The following USP37 variants were observed in gnomAD, a reference collection of about 807,000 sequenced individuals.
USP37 encodes ubiquitin specific peptidase 37.
In USP37, 27 loss-of-function variants were observed where a neutral mutation model predicts 124.0. The ratio of observed to expected loss-of-function variants is 0.22; its 90% CI spans 0.16 to 0.30. USP37 has a LOEUF of 0.30. USP37 is among the 10% of genes least tolerant of loss of function. The pLI, the probability that USP37 is intolerant of heterozygous loss-of-function variation, is 1.00. For synonymous variants in USP37, 365 were observed against 388.0 expected (o/e 0.94, Z 0.70); for missense variants, 889 against 1,140.4 (o/e 0.78, Z 3.17).
Position 218,553,743 on chromosome 2 carries a change from A to C in USP37, c.157-19T>G. 6.3e-7 allele frequency: 1 copy of C among 1,588,928 alleles called. No individual in the cohort carries two copies. Among genetic ancestry groups the C allele is most frequent in the South Asian group, 1.1e-5 (1 of 87,976 alleles). On this transcript the variant is annotated intron_variant, in intron 4 of 25. Coordinates refer to ENST00000258399, the MANE Select transcript of USP37 (RefSeq NM_020935.3). The stretch of plus-strand genomic sequence containing the variant: ...GACTTAGCTAATCAAGACAAAAGGA[A>C]AATTATCATCAAAAATGTATGACAA...
chr2:218,510,374 C>A (rs1448820119), intron 10 of USP37, among the ~76,000 whole-genome samples: 1 of 152,068 alleles, frequency 6.6e-6, no homozygotes, highest in Non-Finnish European at 1.5e-5. Context: ...CAAAATAATC[C>A]ATGTTAATGG....
intron 14 of USP37, among the ~76,000 whole-genome samples, chr2:218,493,114 T>A (rs935631720): frequency 9.2e-5 from 14 of 152,146 alleles, no homozygotes; most frequent in Admixed American, 2.0e-4. Context: ...TGGTTTTTTT[T>A]AAAAAAAGTA....
chr2:218,504,700 G>A (rs746121369), intron 11 of USP37, among the ~76,000 whole-genome samples: 19 of 152,088 alleles, frequency 1.2e-4, no homozygotes, highest in South Asian at 2.1e-4. Flanking sequence ...CTCCCAAAGC[G>A]CTAGGATTAC....
chr2:218,497,146 C>A (rs1011056376), intron 13 of USP37, among the ~76,000 whole-genome samples: 1 of 152,104 alleles, frequency 6.6e-6, no homozygotes, highest in African/African-American at 2.4e-5. Flanking sequence ...TCTCAGCTCA[C>A]TGCAACCTCT....
In USP37 at chr2:218,454,447, T is replaced by G. The variant is rs1448237582; in HGVS notation, c.*483A>C. The G allele has an allele frequency of 6.5e-6, 1 of 152,988 alleles. No individual in the cohort carries two copies. The highest frequency in any genetic ancestry group is 1.9e-4 in the East Asian group (1 of 5,212). The allele number at this position is 152,988 out of a possible 1,614,324, so 9.5% of individuals were successfully genotyped here. On this transcript the variant is annotated 3_prime_UTR_variant, in exon 26 of 26. Coordinates refer to ENST00000258399, the MANE Select transcript of USP37 (RefSeq NM_020935.3). ...AGGTTACAGACTTGAGTGAAACTACTCAAGGAACATAAAAGCTAAAAGCCA... is the reference window on the plus strand; with the variant it reads ...AGGTTACAGACTTGAGTGAAACTACGCAAGGAACATAAAAGCTAAAAGCCA...
intron 17 of USP37, among the ~76,000 whole-genome samples, chr2:218,481,754 C>T (rs1691285052): frequency 6.6e-6 from 1 of 150,410 alleles, no homozygotes; most frequent in African/African-American, 2.5e-5. Flanking sequence ...CTCCCAGGCT[C>T]CAGCAATCCT....
chr2:218,554,222 G>A (rs1007060048), intron 4 of USP37, among the ~76,000 whole-genome samples: 7 of 152,022 alleles, frequency 4.6e-5, no homozygotes, highest in African/African-American at 1.7e-4. Flanking sequence ...TAATGTTGAT[G>A]AGGAAAAAAA....
intron 22 of USP37, among the ~76,000 whole-genome samples, chr2:218,460,376 C>T (rs190156094): frequency 3.9e-5 from 6 of 152,170 alleles, no homozygotes; most frequent in East Asian, 1.9e-4. Context: ...CGGTCCAACA[C>T]GCTCAGCCCA....
chr2:218,537,592 T>C (rs1691725729), intron 8 of USP37, among the ~76,000 whole-genome samples: 2 of 152,220 alleles, frequency 1.3e-5, no homozygotes, highest in Non-Finnish European at 1.5e-5. Flanking sequence ...ATAGTTACTA[T>C]TTCAAGTCAC....
chr2:218,547,946 T>C (rs929950280), intron 6 of USP37, among the ~76,000 whole-genome samples: 1 of 152,250 alleles, frequency 6.6e-6, no homozygotes, highest in African/African-American at 2.4e-5. Context: ...TTTATATCTC[T>C]ACATTAAGAG....
intron 23 of USP37, among the ~76,000 whole-genome samples, 184 bp downstream of exon 23, chr2:218,459,606 G>C (rs1175045487): frequency 3.3e-5 from 5 of 150,132 alleles, no homozygotes; most frequent in African/African-American, 1.2e-4. Flanking sequence ...TTGTTTGTTT[G>C]TTTTTTTAAA....
At chr2:218,531,269 A>G (rs939363920) in intron 9 of USP37, among the ~76,000 whole-genome samples, 13 of 152,222 alleles carry the variant, frequency 8.5e-5, no homozygotes, top group African/African-American at 3.1e-4. Flanking sequence ...CTCACTTACC[A>G]TACTGAAGAT....
intron 10 of USP37, among the ~76,000 whole-genome samples, chr2:218,519,299 G>A (rs1347337576): frequency 6.6e-6 from 1 of 152,126 alleles, no homozygotes; most frequent in Non-Finnish European, 1.5e-5. Context: ...TAGGATACTA[G>A]CCACTTATAA....
chr2:218,567,502 T>C (rs1199819477), intron 1 of USP37, among the ~76,000 whole-genome samples: 1 of 152,126 alleles, frequency 6.6e-6, no homozygotes, highest in East Asian at 1.9e-4. Flanking sequence ...ACCCACTATA[T>C]CCAACTGCCT....
intron 14 of USP37, among the ~76,000 whole-genome samples, chr2:218,490,918 G>A (rs1691902215): frequency 6.6e-6 from 1 of 152,094 alleles, no homozygotes; most frequent in South Asian, 2.1e-4. Flanking sequence ...CTGTTGTCCA[G>A]GCTGGAGAGC....
chr2:218,467,315 A>ATATCTATCTATCTATC (rs55656029), intron 20 of USP37, among the ~76,000 whole-genome samples: 25 of 141,732 alleles, frequency 1.8e-4, no homozygotes, highest in East Asian at 6.3e-4. Context: ...CAGCTAATCT[A>ATATCTATCTATCTATC]TATCTATCTA....
intron 15 of USP37, 57 bp from the exon 16 acceptor site, chr2:218,485,800 G>A: frequency 6.4e-7 from 1 of 1,554,366 alleles, no homozygotes; most frequent in Non-Finnish European, 8.7e-7. Flanking sequence ...TATCTTAAAT[G>A]CAAATAATTT....
chr2:218,491,625 C>T (rs528086781), intron 14 of USP37, among the ~76,000 whole-genome samples: 65 of 152,278 alleles, frequency 4.3e-4, no homozygotes, highest in Admixed American at 4.2e-3. Context: ...GGGCCTCCTA[C>T]ATGCCAGAAA....
At chr2:218,471,385 A>G (rs545779) in intron 20 of USP37, among the ~76,000 whole-genome samples, 92,113 of 152,038 alleles carry the variant, frequency 0.61, 28,114 homozygotes, top group East Asian at 0.78. Context: ...AATATCAGAA[A>G]CTGAGAAAAC....
Sources: allele counts gnomAD v4.1 joint callset (sites outside exome capture counted in the v4.1 genomes callset), GRCh38; gene constraint gnomAD v4.1.1; transcripts MANE v1.5; gene names NCBI Gene and HGNC (gene_info 2026-07-23, HGNC 2026-07-21).